The following ZBTB45 variants were observed in gnomAD, a reference collection of about 807,000 sequenced individuals.
ZBTB45 encodes zinc finger and BTB domain-containing protein 45.
ZBTB45 carries 22 observed loss-of-function variants against 28.4 expected under a neutral mutation model. The observed-to-expected ratio is 0.77, with a 90% CI of 0.55 to 1.10. ZBTB45 has a LOEUF of 1.10. Ranked by LOEUF, ZBTB45 falls within the 50% of genes least tolerant of loss-of-function variation. The pLI is 0.00. For synonymous variants in ZBTB45, 361 were observed against 332.3 expected, an observed-to-expected ratio of 1.09 and a Z score of -0.94; for missense variants, 656 against 750.2, an observed-to-expected ratio of 0.87 and a Z score of 1.47.
upstream of ZBTB45, among the ~76,000 whole-genome samples, chr19:58,521,249 C>A (rs572770187): frequency 3.1e-4 from 47 of 150,608 alleles, no homozygotes; most frequent in South Asian, 9.0e-3. Context: ...CGCCTGTAGT[C>A]CCAGCTACTC....
Position 58,516,599 on chromosome 19 carries a change from C to G in ZBTB45, c.1075G>C (p.Ala359Pro), listed in dbSNP as rs539670110. The part of the protein sequence containing the change: ...PSGPAPAPPP[A>P]FYPTLQPEAA... ...TCGGGCTGGAGTGTGGGGTAGAAGG[C>G]GGGTGGGGGCGCAGGGGCTGGCCCC... The change falls in exon 2 of 3, where the codon GCC (alanine) becomes CCC (proline). Residue 359 changes from alanine (A) to proline (P), a missense_variant. Around this residue, in one of 3 missense-constraint regions of ZBTB45, gnomAD observed 448 missense variants for 444.3 expected, o/e 1.01. Coordinates refer to ENST00000594051, the MANE Select transcript of ZBTB45 (RefSeq NM_001316979.2). This position sits in a 1 kb window ranked among gnomAD's most constrained non-coding sequence, Gnocchi z 6.2. The G allele has an allele frequency of 2.8e-6, 4 of 1,431,770 alleles. No individual in the cohort carries two copies. Among genetic ancestry groups the G allele is most frequent in the East Asian group, 2.9e-5 (1 of 34,756 alleles). The allele number at this position is 1,431,770 out of a possible 1,614,324, so 88.7% of individuals were successfully genotyped here.
In ZBTB45 at chr19:58,516,383, G is replaced by C. The variant is rs371669794; in HGVS notation, c.1279+12C>G. The C allele has an allele frequency of 2.2e-5, 36 of 1,613,828 alleles. No homozygotes were observed. Among genetic ancestry groups the C allele is most frequent in the South Asian group, 1.8e-4 (16 of 91,060 alleles). On this transcript the variant is annotated intron_variant, in intron 2 of 2. Transcript: ENST00000594051. This position sits in a 1 kb window ranked among gnomAD's most constrained non-coding sequence, Gnocchi z 6.2. ...GAGAGATTGCTCCCTCTCCTCCCCC[G>C]CCCTGGCTCACCCGAGTGGATGAAC... is the stretch of plus-strand genomic sequence containing the variant.
At chr19:58,523,435 C>CT (rs893734891), upstream of ZBTB45, among the ~76,000 whole-genome samples, 5 of 151,642 alleles carry the variant, frequency 3.3e-5, no homozygotes, top group African/African-American at 1.2e-4. Flanking sequence ...AATCCCAGCA[C>CT]TTTGAGAGGC....
At chr19:58,525,049 G>GCC (rs1207582595) in intron 1 of ZBTB45, among the ~76,000 whole-genome samples, 1 of 152,134 alleles carries the variant, frequency 6.6e-6, no homozygotes, top group Non-Finnish European at 1.5e-5. Context: ...CTAAGGCAGG[G>GCC]CCCCTCTGAC....
At chr19:58,533,555 GTT>G (rs113842843) in intron 1 of ZBTB45, among the ~76,000 whole-genome samples, 2 of 146,624 alleles carry the variant, frequency 1.4e-5, no homozygotes, top group Non-Finnish European at 3.0e-5. Context: ...ACAGAATAAA[GTT>G]TTTTTTTTTT....
intron 1 of ZBTB45, among the ~76,000 whole-genome samples, chr19:58,517,993 T>G (rs2122565986): frequency 6.6e-6 from 1 of 152,010 alleles, no homozygotes; most frequent in East Asian, 1.9e-4. Flanking sequence ...TGGCCTACTC[T>G]ATGTTGACTC....
chr19:58,530,005 C>A (rs1429582597), intron 1 of ZBTB45, among the ~76,000 whole-genome samples: 1 of 152,104 alleles, frequency 6.6e-6, no homozygotes, highest in Non-Finnish European at 1.5e-5. Flanking sequence ...GAGTTTGAGA[C>A]CAGCCTGGGC....
chr19:58,517,295 C>A lies in ZBTB45; in HGVS notation c.379G>T (p.Ala127Ser). ...GGCGTGGGCGCAGAGGTGCCCGGGG[C>A]TCGAGCGCGGGCGATAATCTGCGTG... Reference protein sequence around the residue: ...ECTQIIARARAPGTSAPTPLP... With the variant: ...ECTQIIARARSPGTSAPTPLP... Residue 127 changes from alanine to serine, a missense_variant, in exon 2 of 3, where the codon GCC (alanine) becomes TCC (serine). By Grantham distance (99) the Ala-to-Ser change is moderately conservative. This residue lies in a region of ZBTB45 where 448 missense variants were observed against 444.3 expected (regional missense o/e 1.01). Transcript: ENST00000594051. 6.2e-7 allele frequency: 1 copy of A among 1,601,962 alleles called. No homozygotes were observed.
upstream of ZBTB45, chr19:58,520,033 G>C (rs988581784): frequency 6.6e-6 from 1 of 152,372 alleles, no homozygotes; most frequent in Non-Finnish European, 1.5e-5. Context: ...GAGATCAGGG[G>C]TGTGGCGGGC....
In ZBTB45 at chr19:58,517,124, G is replaced by T. The variant is rs1187015199; in HGVS notation, c.550C>A (p.Pro184Thr). ...RQPARLQLPA[P>T]PTPAKAEGPD... is the part of the protein sequence containing the mutation. ...CCCTCAGCCTTGGCAGGTGTTGGGGGCGCTGGCAGCTGCAAACGCGCGGGC... is the reference window on the plus strand; with the variant it reads ...CCCTCAGCCTTGGCAGGTGTTGGGGTCGCTGGCAGCTGCAAACGCGCGGGC... The change falls in exon 2 of 3, where the codon CCC (proline) becomes ACC (threonine). Residue 184 changes from proline to threonine, a missense_variant. By Grantham distance (38) the Pro-to-Thr change is conservative. Transcript: ENST00000594051. The T allele has an allele frequency of 6.2e-7, 1 of 1,612,782 alleles. No homozygotes were observed. Among genetic ancestry groups the T allele is most frequent in the South Asian group, 1.1e-5 (1 of 91,080 alleles).
At chr19:58,518,148 C>G (rs1446639723) in intron 1 of ZBTB45, among the ~76,000 whole-genome samples, 3 of 152,144 alleles carry the variant, frequency 2.0e-5, no homozygotes, top group Admixed American at 6.5e-5. Context: ...GCTCTCTACC[C>G]AGCTAGCTTC....
chr19:58,538,232 A>G lies in ZBTB45; in HGVS notation c.-1+469T>C, dbSNP rs1171815870. ...TTTTCTTTTCTTTTCTTTTTTTTTT[A>G]AAGACAGGGCCTCGCTCTGCAGTCC... is the stretch of plus-strand genomic sequence containing the variant. On this transcript the variant is annotated intron_variant, in intron 1 of 1. Coordinates refer to the ZBTB45 transcript ENST00000600130. Among the ~76,000 whole-genome samples the G allele has an allele frequency of 3.4e-5, 5 of 146,852 alleles. No individual in the cohort carries two copies. In the East Asian group the frequency reaches 9.8e-4, roughly 29 times the overall value.
upstream of ZBTB45, among the ~76,000 whole-genome samples, chr19:58,521,198 A>G (rs920288263): frequency 6.8e-6 from 1 of 147,860 alleles, no homozygotes; most frequent in African/African-American, 2.5e-5. Context: ...CCCCGTCTCT[A>G]CTAAAAATAC....
chr19:58,528,172 C>T (rs1348416332), intron 1 of ZBTB45, among the ~76,000 whole-genome samples: 1 of 152,040 alleles, frequency 6.6e-6, no homozygotes. Context: ...GACACATACC[C>T]CTGAAGATGG....
Position 58,514,000 on chromosome 19 carries a change from C to T in ZBTB45, c.*54G>A, listed in dbSNP as rs987075310. The T allele has an allele frequency of 9.6e-6, 13 of 1,354,144 alleles. No homozygotes were observed. The Middle Eastern group carries it at 8.2e-4, about 85-fold the overall frequency. The allele number at this position is 1,354,144 out of a possible 1,614,324, so 83.9% of individuals were successfully genotyped here. On this transcript the variant is annotated 3_prime_UTR_variant, in exon 3 of 3. Transcript: ENST00000594051. ...CCACGGGTCCCGCAGCGGGCGTGGC[C>T]GACTGTGCGGGAGGCCCCGGATCCA... is the stretch of plus-strand genomic sequence containing the variant.
intron 2 of ZBTB45, 33 bp from the exon 3 acceptor site, chr19:58,514,343 T>A: frequency 6.4e-7 from 1 of 1,572,810 alleles, no homozygotes; most frequent in South Asian, 1.1e-5. Flanking sequence ...CGAACGCAAG[T>A]CAGACTCTAC....
intron 2 of ZBTB45, 45 bp from the exon 3 acceptor site, chr19:58,514,355 G>A (rs2053460279): frequency 1.4e-6 from 2 of 1,430,160 alleles, no homozygotes; most frequent in Non-Finnish European, 1.8e-6. Flanking sequence ...AGACTCTACA[G>A]CTCCCCGCCC....
At chr19:58,522,767 G>A (rs189118260), upstream of ZBTB45, among the ~76,000 whole-genome samples, 3 of 152,298 alleles carry the variant, frequency 2.0e-5, no homozygotes, top group Non-Finnish European at 4.4e-5. Context: ...AGAGCATAAG[G>A]GTAGGTGGGA....
At chr19:58,529,822 T>A (rs973886037) in intron 1 of ZBTB45, among the ~76,000 whole-genome samples, 1 of 152,186 alleles carries the variant, frequency 6.6e-6, no homozygotes, top group African/African-American at 2.4e-5. Flanking sequence ...GAGTTTTGTA[T>A]CTGACTTCTT....
Sources: allele counts gnomAD v4.1 joint callset (sites outside exome capture counted in the v4.1 genomes callset), GRCh38; gene constraint gnomAD v4.1.1; regional missense constraint gnomAD v4.1.1; non-coding constraint Gnocchi (gnomAD v3.1); transcripts MANE v1.5; gene names NCBI Gene and HGNC (gene_info 2026-07-23, HGNC 2026-07-21).